Variants in FOXP1 observed in about 807,000 individuals in gnomAD.
FOXP1 encodes the protein forkhead box P1, also known as forkhead box protein P1.
In FOXP1, 15 loss-of-function variants were observed where a neutral mutation model predicts 98.2. The ratio of observed to expected loss-of-function variants is 0.15; its 90% confidence interval spans 0.10 to 0.24. FOXP1 has a LOEUF of 0.24. Among genes scored for constraint, FOXP1 ranks in the 10% least tolerant of loss-of-function variants. The probability of loss-of-function intolerance (pLI) is 1.00; values close to 1 mark genes in which losing one functional copy is unlikely to be tolerated. For missense variants in FOXP1, 633 were observed against 848.5 expected (o/e 0.75, Z 3.15); for synonymous variants, 371 against 314.5 (o/e 1.18, Z -1.90).
intron 3 of FOXP1, among the ~76,000 whole-genome samples, chr3:71,446,418 C>T (rs978715235): frequency 4.6e-5 from 7 of 152,026 alleles, no homozygotes; most frequent in Non-Finnish European, 1.0e-4. Flanking sequence ...GTAAACTCTT[C>T]GCAGACAAGA....
At chr3:71,312,599 C>T (rs1163109905) in intron 4 of FOXP1, among the ~76,000 whole-genome samples, 3 of 152,164 alleles carry the variant, frequency 2.0e-5, no homozygotes, top group African/African-American at 4.8e-5. Context: ...TGAGGCAGGA[C>T]GATTGCTTGA....
At chr3:71,291,712 A>ATTTTTTTTTTTTTT (rs11438381) in intron 5 of FOXP1, among the ~76,000 whole-genome samples, 1 of 125,198 alleles carries the variant, frequency 8.0e-6, no homozygotes, top group Non-Finnish European at 1.6e-5. Context: ...CTTATTCTGT[A>ATTTTTTTTTTTTTT]TTTTTTTTTT....
At chr3:71,034,702 C>G (rs561757986) in intron 11 of FOXP1, among the ~76,000 whole-genome samples, 3 of 152,132 alleles carry the variant, frequency 2.0e-5, no homozygotes, top group African/African-American at 7.2e-5. Flanking sequence ...TCATCCTTGA[C>G]AAGAGCAAAA....
intron 7 of FOXP1, among the ~76,000 whole-genome samples, chr3:71,059,557 A>G (rs2051182689): frequency 6.6e-6 from 1 of 152,210 alleles, no homozygotes; most frequent in Non-Finnish European, 1.5e-5. Context: ...CATGAAAATA[A>G]TCACTCAATA....
intron 4 of FOXP1, chr3:71,334,583 A>T (rs142633303): frequency 1.3e-5 from 2 of 152,344 alleles, no homozygotes; most frequent in East Asian, 3.9e-4. Context: ...ACCGACACTA[A>T]GATATAATCT....
intron 3 of FOXP1, among the ~76,000 whole-genome samples, chr3:71,443,440 C>A (rs1295922422): frequency 6.6e-6 from 1 of 152,178 alleles, no homozygotes; most frequent in African/African-American, 2.4e-5. Flanking sequence ...GCACGTATTC[C>A]GCCTATCTAA....
intron 5 of FOXP1, among the ~76,000 whole-genome samples, chr3:71,249,776 G>C (rs541008037): frequency 2.4e-4 from 36 of 152,302 alleles, no homozygotes; most frequent in South Asian, 1.2e-3. Context: ...GGAAAGTGAG[G>C]AGGGGAGAAG....
chr3:71,510,844 C>CAGT (rs529205050), intron 2 of FOXP1, among the ~76,000 whole-genome samples: 2 of 152,304 alleles, frequency 1.3e-5, no homozygotes, highest in South Asian at 4.1e-4. Flanking sequence ...TTTAAAAAAT[C>CAGT]AGTACATGCC....
At chr3:71,214,306 A>G (rs2064747985) in intron 5 of FOXP1, among the ~76,000 whole-genome samples, 1 of 152,228 alleles carries the variant, frequency 6.6e-6, no homozygotes. Flanking sequence ...AAGCTACCTT[A>G]ATCATGCTGT....
At chr3:71,466,451 T>C (rs967132670) in intron 3 of FOXP1, among the ~76,000 whole-genome samples, 1 of 152,266 alleles carries the variant, frequency 6.6e-6, no homozygotes, top group Non-Finnish European at 1.5e-5. Context: ...ATACATTTCA[T>C]TTTGTTCAAT....
intron 6 of FOXP1, among the ~76,000 whole-genome samples, chr3:71,139,643 T>C (rs901950923): frequency 2.0e-5 from 3 of 152,144 alleles, no homozygotes; most frequent in Non-Finnish European, 4.4e-5. Context: ...CTGACTTCTG[T>C]TCCTCGGCTC....
At chr3:71,093,126 T>C (rs552056097) in intron 7 of FOXP1, among the ~76,000 whole-genome samples, 5 of 151,952 alleles carry the variant, frequency 3.3e-5, no homozygotes, top group African/African-American at 9.6e-5. Context: ...CCGGGCATAG[T>C]GGCACACGCC....
intron 11 of FOXP1, among the ~76,000 whole-genome samples, chr3:71,038,130 G>C (rs1049901248): frequency 1.3e-5 from 2 of 152,170 alleles, no homozygotes; most frequent in Non-Finnish European, 2.9e-5. Context: ...GGGCAAGAGT[G>C]GGGGAGAAGG....
intron 3 of FOXP1, among the ~76,000 whole-genome samples, chr3:71,387,201 T>C (rs957073427): frequency 6.6e-6 from 1 of 152,218 alleles, no homozygotes; most frequent in Non-Finnish European, 1.5e-5. Flanking sequence ...AATTTGAATA[T>C]GAACTTTTGC....
intron 7 of FOXP1, among the ~76,000 whole-genome samples, chr3:71,083,535 T>G (rs2107541047): frequency 6.6e-6 from 1 of 152,280 alleles, no homozygotes; most frequent in East Asian, 1.9e-4. Context: ...GTGACCCAAG[T>G]CACTCAATTG....
intron 4 of FOXP1, among the ~76,000 whole-genome samples, chr3:71,317,598 T>A (rs889469022): frequency 6.6e-6 from 1 of 152,222 alleles, no homozygotes; most frequent in Non-Finnish European, 1.5e-5. Flanking sequence ...TAGTACAGTA[T>A]GCCTGAATTC....
intron 7 of FOXP1, among the ~76,000 whole-genome samples, chr3:71,084,823 AG>A (rs779513023): frequency 2.6e-5 from 4 of 152,176 alleles, no homozygotes; most frequent in Non-Finnish European, 5.9e-5. Context: ...GCTGGAGCCC[AG>A]GAGTTCGAGG....
At chr3:71,551,906 T>A (rs1288498730) in intron 2 of FOXP1, among the ~76,000 whole-genome samples, 1 of 152,202 alleles carries the variant, frequency 6.6e-6, no homozygotes, top group African/African-American at 2.4e-5. Context: ...ATCAAATGCA[T>A]CAATCACCTC....
At chr3:71,498,131 A>G (rs1044029129) in intron 2 of FOXP1, among the ~76,000 whole-genome samples, 1 of 152,198 alleles carries the variant, frequency 6.6e-6, no homozygotes, top group Non-Finnish European at 1.5e-5. Context: ...ATGGAGAGAG[A>G]AGCGTGGAAT....
Sources: allele counts gnomAD v4.1 joint callset (sites outside exome capture counted in the v4.1 genomes callset), GRCh38; gene constraint gnomAD v4.1.1; transcripts MANE v1.5; gene names NCBI Gene and HGNC (gene_info 2026-07-23, HGNC 2026-07-21).